The following PLXNB2 variants were observed in gnomAD, a reference collection of about 807,000 sequenced individuals.
PLXNB2 encodes the protein plexin B2.
Under a neutral mutation model 202.6 loss-of-function variants are expected in PLXNB2, and 85 were observed. The observed-to-expected ratio is 0.42, with a 90% CI of 0.35 to 0.50. The LOEUF is 0.50. Among genes scored for constraint, PLXNB2 ranks in the 20% least tolerant of loss-of-function variants. The pLI is 0.02. For missense variants in PLXNB2, 2,063 were observed against 2,586.2 expected, an observed-to-expected ratio of 0.80 and a Z score of 4.39; for synonymous variants, 1,239 against 1,137.6, an observed-to-expected ratio of 1.09 and a Z score of -1.79.
At chr22:50,279,879 G>C in intron 26 of PLXNB2, 103 bp from the exon 27 acceptor site, 2 of 1,477,758 alleles carry the variant, frequency 1.4e-6, no homozygotes, top group Non-Finnish European at 1.9e-6. Flanking sequence ...ACCATGTCAG[G>C]GGCAGGAAGC....
At chr22:50,303,479 C>T (rs1361053406) in intron 1 of PLXNB2, among the ~76,000 whole-genome samples, 1 of 152,218 alleles carries the variant, frequency 6.6e-6, no homozygotes, top group Non-Finnish European at 1.5e-5. Context: ...AGAAGGTCAC[C>T]TGGGAAGAGA....
intron 1 of PLXNB2, among the ~76,000 whole-genome samples, chr22:50,298,935 C>G (rs1336748518): frequency 6.6e-6 from 1 of 152,256 alleles, no homozygotes; most frequent in African/African-American, 2.4e-5. Context: ...CGTGAGCCAC[C>G]ACACCCAGCC....
chr22:50,304,549 T>C (rs1421694736), intron 1 of PLXNB2, among the ~76,000 whole-genome samples: 2 of 151,928 alleles, frequency 1.3e-5, no homozygotes, highest in Non-Finnish European at 2.9e-5. Flanking sequence ...GCAGGCCCTG[T>C]GTCAAGGGAT....
At chr22:50,285,285 A>G (rs28695475) in intron 11 of PLXNB2, among the ~76,000 whole-genome samples, 14 of 53,816 alleles carry the variant, frequency 2.6e-4, no homozygotes, top group South Asian at 9.2e-4. Flanking sequence ...CCTGTCACCA[A>G]CCGGCACCCC....
chr22:50,289,853 C>A lies in PLXNB2; in HGVS notation c.732G>T (p.Thr244=). 1 of 1,613,256 alleles carries A rather than the reference C, an allele frequency of 6.2e-7. No individual in the cohort carries two copies. The highest frequency in any genetic ancestry group is 8.5e-7 in the Non-Finnish European group (1 of 1,180,030). ...CTTCTCTGCACATGCGTGCCAGCAG[C>A]GTGCGGTTCCGGGCCGGGTGCTTGT... is the stretch of plus-strand genomic sequence containing the variant. ...QQDKHPARNR[T]LLARMCREDP... Residue 244 remains threonine (T), a synonymous_variant, in exon 3 of 37, where the codon ACG becomes ACT. Transcript: ENST00000359337. The surrounding 1 kb of genome is among the most constrained non-coding windows in gnomAD (Gnocchi z 8.0).
chr22:50,305,215 A>T (rs2147735277), intron 1 of PLXNB2, among the ~76,000 whole-genome samples: 1 of 152,280 alleles, frequency 6.6e-6, no homozygotes, highest in African/African-American at 2.4e-5. Flanking sequence ...GTGAGCACGG[A>T]CGACGTCCTG....
At position 50,276,913 on chromosome 22, in the gene PLXNB2, G is replaced by T. The variant is rs772060027; in HGVS notation, c.5197-7C>A. 49 of 1,593,210 alleles carry T rather than the reference G, an allele frequency of 3.1e-5. No individual in the cohort carries two copies. In the East Asian group the frequency reaches 3.6e-4, roughly 12 times the overall value. Reference sequence around the variant, plus strand: ...GCTTGTTGCTGGGAGAATCCTGTTGGGGACAAAACCCAGTGATGCCTGGCC... The same window carrying T: ...GCTTGTTGCTGGGAGAATCCTGTTGTGGACAAAACCCAGTGATGCCTGGCC... On this transcript the variant is annotated splice_polypyrimidine_tract_variant and splice_region_variant and intron_variant, in intron 33 of 36. Coordinates refer to ENST00000359337, the MANE Select transcript of PLXNB2 (RefSeq NM_012401.4).
Position 50,284,732 on chromosome 22 carries a change from C to CT in PLXNB2, c.2089-68dup. ...CACCCTGGCCCTCCTCCCAGAACCC[C>CT]TGCAGCCCCTCCTCTGTGCCTACAG... On this transcript the variant is annotated intron_variant, in intron 11 of 36. Transcript: ENST00000359337. This position sits in a 1 kb window ranked among gnomAD's most constrained non-coding sequence, Gnocchi z 8.0. 1 of 1,168,524 alleles carries CT rather than the reference C, an allele frequency of 8.6e-7. No homozygotes were observed. The highest frequency in any genetic ancestry group is 1.3e-6 in the Non-Finnish European group (1 of 775,800). The allele number at this position is 1,168,524 out of a possible 1,614,324, so 72.4% of individuals were successfully genotyped here.
Position 50,278,529 on chromosome 22 carries a change from A to G in PLXNB2, c.4648-10T>C. On this transcript the variant is annotated splice_polypyrimidine_tract_variant and intron_variant, in intron 29 of 36. Coordinates refer to ENST00000359337, the MANE Select transcript of PLXNB2 (RefSeq NM_012401.4). ...TGGCTCCATCCCGGACCTGGGGAACACGGCGGTGAGGGTGGGCTGTGCCCC... is the reference window on the plus strand; with the variant it reads ...TGGCTCCATCCCGGACCTGGGGAACGCGGCGGTGAGGGTGGGCTGTGCCCC... 6.3e-7 allele frequency: 1 copy of G among 1,578,738 alleles called. No individual in the cohort carries two copies.
chr22:50,290,455 C>G lies in PLXNB2; in HGVS notation c.130G>C (p.Gly44Arg). 1 of 1,612,944 alleles carries G rather than the reference C, an allele frequency of 6.2e-7. No individual in the cohort carries two copies. Among genetic ancestry groups the G allele is most frequent in the Non-Finnish European group, 8.5e-7 (1 of 1,179,990 alleles). The change falls in exon 3 of 37, where the codon GGC becomes CGC. Residue 44 changes from glycine to arginine, a missense_variant. Physicochemically the swap from Gly to Arg is moderately radical, Grantham distance 125. Transcript: ENST00000359337. ...LNHLAVDEAS[G>R]VVYLGAVNAL... is the part of the protein sequence containing the mutation. Reference sequence around the variant, plus strand: ...TTCACCGCCCCCAGGTACACCACGCCTGAGGCCTCATCCACAGCCAGGTGG... The same window carrying G: ...TTCACCGCCCCCAGGTACACCACGCGTGAGGCCTCATCCACAGCCAGGTGG...
chr22:50,290,382 G>T lies in PLXNB2; in HGVS notation c.203C>A (p.Ala68Asp). The change falls in exon 3 of 37, where the codon GCC (alanine) becomes GAC (aspartate). Residue 68 changes from alanine to aspartate, a missense_variant. Physicochemically the swap from Ala to Asp is moderately radical, Grantham distance 126 (BLOSUM62 -2). Transcript: ENST00000359337. ...DAKLQLEQQV[A>D]TGPALDNKKC... ...CTTGTTGTCCAGGGCCGGGCCCGTG[G>T]CCACCTGCTGCTCCAGCTGCAGCTT... The T allele has an allele frequency of 6.2e-7, 1 of 1,612,904 alleles. No individual in the cohort carries two copies. Among genetic ancestry groups the T allele is most frequent in the Non-Finnish European group, 8.5e-7 (1 of 1,179,974 alleles).
chr22:50,284,351 A>T lies in PLXNB2; in HGVS notation c.2182-138T>A, dbSNP rs1601704317. ...GCAGGGGAGGCCTTCAGGTGTCGGA[A>T]GTTCGGGAACCCCATGGACGCTGCT... On this transcript the variant is annotated intron_variant, in intron 12 of 36. Transcript: ENST00000359337. The surrounding 1 kb of genome is among the most constrained non-coding windows in gnomAD (Gnocchi z 8.0). 12 of 857,228 alleles carry T rather than the reference A, an allele frequency of 1.4e-5. No individual in the cohort carries two copies. The East Asian group carries it at 3.0e-4, about 21-fold the overall frequency. 53.1% of individuals were successfully genotyped at this position (857,228 alleles called of 1,614,324 possible).
At chr22:50,293,513 ACCCGGCCCAGCTCGCTCACCCGGC>A (rs1391040486) in intron 2 of PLXNB2, among the ~76,000 whole-genome samples, 1 of 151,620 alleles carries the variant, frequency 6.6e-6, no homozygotes, top group Non-Finnish European at 1.5e-5. Context: ...AGCCCCGCTC[ACCCGGCCCAGCTCGCTCACCCGGC>A]CCAGCTCGGT....
chr22:50,280,726 G>A lies in PLXNB2; in HGVS notation c.3993+18C>T, dbSNP rs201082001. On this transcript the variant is annotated intron_variant, in intron 24 of 36. Transcript: ENST00000359337. ...GCGCCACCTGTGTGCCCTCCCGCCC[G>A]CCCGACGCCTGGCTCACATTGATGA... The A allele has an allele frequency of 1.7e-3, 1,257 of 726,594 alleles. No homozygotes were observed. Among genetic ancestry groups the A allele is most frequent in the Non-Finnish European group, 2.6e-3 (1,168 of 444,846 alleles). The allele number at this position is 726,594 out of a possible 1,614,324, so 45.0% of individuals were successfully genotyped here.
In PLXNB2 at chr22:50,284,147, C is replaced by T. The variant is rs1332617247; in HGVS notation, c.2248G>A (p.Asp750Asn). The T allele has an allele frequency of 4.4e-6, 7 of 1,598,924 alleles. No homozygotes were observed. Among genetic ancestry groups the T allele is most frequent in the Non-Finnish European group, 5.1e-6 (6 of 1,173,026 alleles). ...LYVKSYGKNI[D>N]SKLHVTLYNC... is the part of the protein sequence containing the mutation. ...TGGCCCCCACCATGGAGCTTGCTGT[C>T]GATATTCTTGCCGTAAGACTTGACG... The change falls in exon 13 of 37, where the codon GAC (aspartate) becomes AAC (asparagine). Residue 750 changes from aspartate (D) to asparagine (N), a missense_variant. Around this residue, in one of 2 missense-constraint regions of PLXNB2, gnomAD observed 1,303 missense variants for 1,476.8 expected, o/e 0.88. Transcript: ENST00000359337. The surrounding 1 kb of genome is among the most constrained non-coding windows in gnomAD (Gnocchi z 8.0).
At chr22:50,307,337 A>G (rs964173034) in intron 1 of PLXNB2, among the ~76,000 whole-genome samples, 1 of 146,446 alleles carries the variant, frequency 6.8e-6, no homozygotes, top group Non-Finnish European at 1.5e-5. Flanking sequence ...CCGTCCCCCG[A>G]GTCAACACCG....
rs1254058480 is a variant in PLXNB2, at chr22:50,275,970, G to A, written c.5338-7C>T. The A allele has an allele frequency of 1.9e-6, 3 of 1,612,282 alleles. No homozygotes were observed. Among genetic ancestry groups the A allele is most frequent in the East Asian group, 2.2e-5 (1 of 44,862 alleles). On this transcript the variant is annotated splice_region_variant and splice_polypyrimidine_tract_variant and intron_variant, in intron 35 of 36. Coordinates refer to ENST00000359337, the MANE Select transcript of PLXNB2 (RefSeq NM_012401.4). Reference sequence around the variant, plus strand: ...TCAAGGAGTCCGTGTGCGCCTGGGGGGTGACGGGACAGTCAGGGTGGAAAA... The same window carrying A: ...TCAAGGAGTCCGTGTGCGCCTGGGGAGTGACGGGACAGTCAGGGTGGAAAA...
Position 50,278,246 on chromosome 22 carries a change from G to C in PLXNB2, c.4758C>G (p.Asn1586Lys). The part of the protein sequence containing the change: ...GERHALLEEE[N>K]RVWHLVRPTD... ...TCGGCCGCACCAGGTGCCACACCCG[G>C]TTCTCCTCCTCCAGGAGGGCATGGC... Residue 1586 changes from asparagine (N) to lysine (K), a missense_variant, in exon 31 of 37, where the codon AAC becomes AAG. This residue lies in a region of PLXNB2 where 760 missense variants were observed against 1,109.4 expected (regional missense o/e 0.69). Coordinates refer to ENST00000359337, the MANE Select transcript of PLXNB2 (RefSeq NM_012401.4). The C allele has an allele frequency of 6.2e-7, 1 of 1,610,870 alleles. No individual in the cohort carries two copies. Among genetic ancestry groups the C allele is most frequent in the South Asian group, 1.1e-5 (1 of 91,086 alleles).
Position 50,283,136 on chromosome 22 carries a change from G to A in PLXNB2, c.2730C>T (p.Gly910=), listed in dbSNP as rs2066140616. ...VEPQQGPQAG[G]TTLTIHGTHL... ...GGGTGCCGTGGATGGTCAGTGTGGT[G>A]CCGCCCGCCTGCGGTCCCTGCTGCG... The change falls in exon 17 of 37, where the codon GGC becomes GGT. Residue 910 remains glycine (G), a synonymous_variant. Transcript: ENST00000359337. The A allele has an allele frequency of 1.3e-6, 2 of 1,596,936 alleles. No individual in the cohort carries two copies. Among genetic ancestry groups the A allele is most frequent in the Non-Finnish European group, 1.7e-6 (2 of 1,173,378 alleles).
Sources: allele counts gnomAD v4.1 joint callset (sites outside exome capture counted in the v4.1 genomes callset), GRCh38; gene constraint gnomAD v4.1.1; regional missense constraint gnomAD v4.1.1; non-coding constraint Gnocchi (gnomAD v3.1); transcripts MANE v1.5; gene names NCBI Gene and HGNC (gene_info 2026-07-23, HGNC 2026-07-21).